The following KRT72 variants were observed in gnomAD, a reference collection of about 807,000 sequenced individuals.
KRT72 encodes the protein keratin 72, also known as keratin, type II cytoskeletal 72.
A neutral mutation model predicts 44.7 loss-of-function variants in KRT72; 44 were observed. The ratio of observed to expected loss-of-function variants is 0.98; its 90% CI spans 0.77 to 1.27. The LOEUF is 1.27. Ranked by LOEUF, KRT72 falls within the 50% of genes most tolerant of loss-of-function variation. The pLI, the probability that KRT72 is intolerant of heterozygous loss-of-function variation, is 0.00. For missense variants in KRT72, 736 were observed against 667.1 expected, an observed-to-expected ratio of 1.10 and a Z score of -1.14; for synonymous variants, 302 against 280.4, an observed-to-expected ratio of 1.08 and a Z score of -0.77.
At chr12:52,591,141 G>A (rs1026453269) in intron 5 of KRT72, among the ~76,000 whole-genome samples, 180 bp from the exon 6 acceptor site, 3 of 152,204 alleles carry the variant, frequency 2.0e-5, no homozygotes, top group Non-Finnish European at 4.4e-5. Flanking sequence ...GAAACATGAA[G>A]ATAAGACAAT....
chr12:52,597,696 A>G (rs1337689091), intron 2 of KRT72, among the ~76,000 whole-genome samples: 3 of 152,234 alleles, frequency 2.0e-5, no homozygotes, highest in Non-Finnish European at 2.9e-5. Context: ...GCCTTCTGAC[A>G]TAGGGAAAAC....
chr12:52,600,643 G>A (rs1017455320), intron 1 of KRT72, among the ~76,000 whole-genome samples: 6 of 151,998 alleles, frequency 3.9e-5, no homozygotes, highest in Non-Finnish European at 5.9e-5. Flanking sequence ...TTCTCTGGCC[G>A]CCGCCATATA....
rs1412692002 is a variant in KRT72, at chr12:52,601,287, G to C, written c.166C>G (p.Arg56Gly). The change falls in exon 1 of 9, where the codon CGA becomes GGA. Residue 56 changes from arginine to glycine, a missense_variant. Transcript: ENST00000293745. Reference sequence around the variant, plus strand: ...GCAGCAGCGCTGAGCGCCAGGCTTCGGCTGCCCCCAAGGCAGGAGAGGCTC... The same window carrying C: ...GCAGCAGCGCTGAGCGCCAGGCTTCCGCTGCCCCCAAGGCAGGAGAGGCTC... ...SKSLSCLGGS[R>G]SLALSAAARR... The C allele has an allele frequency of 2.6e-6, 4 of 1,550,684 alleles. No individual in the cohort carries two copies. In the South Asian group the frequency reaches 3.5e-5, roughly 14 times the overall value.
intron 2 of KRT72, among the ~76,000 whole-genome samples, chr12:52,593,154 C>A (rs372246461): frequency 6.6e-6 from 1 of 152,174 alleles, no homozygotes; most frequent in African/African-American, 2.4e-5. Context: ...TGTGCCTGTG[C>A]ATTCTGTCTT....
chr12:52,590,809 T>C (rs75211079), intron 6 of KRT72, 27 bp downstream of exon 6: 55,415 of 1,557,086 alleles, frequency 0.036, 1,214 homozygotes, highest in Non-Finnish European at 0.043. Flanking sequence ...ATAAATACTG[T>C]TAGTGGATTA....
At position 52,601,263 on chromosome 12, in the gene KRT72, C is replaced by T. The variant is rs1940440963; in HGVS notation, c.190G>A (p.Ala64Thr). The T allele has an allele frequency of 6.4e-7, 1 of 1,560,450 alleles. No homozygotes were observed. The highest frequency in any genetic ancestry group is 8.7e-7 in the Non-Finnish European group (1 of 1,153,066). ...GSRSLALSAAARRGGGRLGGF... is the reference protein window; with the variant it reads ...GSRSLALSAATRRGGGRLGGF... The stretch of plus-strand genomic sequence containing the variant: ...CCCAGGCGGCCGCCGCCCCGCCGTG[C>T]AGCAGCGCTGAGCGCCAGGCTTCGG... The change falls in exon 1 of 9, where the codon GCA becomes ACA. Residue 64 changes from alanine (A) to threonine (T), a missense_variant. By Grantham distance (58) the Ala-to-Thr change is moderately conservative. Coordinates refer to ENST00000293745, the MANE Select transcript of KRT72 (RefSeq NM_080747.3).
chr12:52,600,249 C>T (rs1940374002), intron 1 of KRT72, among the ~76,000 whole-genome samples: 1 of 152,194 alleles, frequency 6.6e-6, no homozygotes, highest in African/African-American at 2.4e-5. Flanking sequence ...TTACCCCACT[C>T]CTCAAGCACC....
intron 4 of KRT72, 76 bp downstream of exon 4, chr12:52,592,320 A>G (rs1396405321): frequency 7.7e-6 from 8 of 1,045,008 alleles, no homozygotes; most frequent in East Asian, 4.8e-5. Flanking sequence ...CTTGGTCCAC[A>G]CCACCTTCCA....
chr12:52,587,568 T>G, intron 7 of KRT72, 63 bp downstream of exon 7: 1 of 1,571,856 alleles, frequency 6.4e-7, no homozygotes, highest in South Asian at 1.1e-5. Flanking sequence ...ACTGTTTGCC[T>G]TGGAGCTTCC....
chr12:52,600,966 G>C, intron 1 of KRT72, 61 bp downstream of exon 1: 1 of 1,561,062 alleles, frequency 6.4e-7, no homozygotes, highest in East Asian at 2.3e-5. Context: ...GCCAGTGGCA[G>C]AGCCAGCACC....
chr12:52,592,832 C>T, intron 3 of KRT72, 60 bp downstream of exon 3: 1 of 1,464,130 alleles, frequency 6.8e-7, no homozygotes, highest in Non-Finnish European at 9.5e-7. Context: ...ACCCTACAAG[C>T]ATCATTGTGC....
chr12:52,586,519 A>G lies in KRT72; in HGVS notation c.1346-347T>C, dbSNP rs374304276. Among the ~76,000 whole-genome samples, 10 of 152,336 alleles carry G rather than the reference A, an allele frequency of 6.6e-5. No homozygotes were observed. The East Asian group carries it at 1.7e-3, about 26-fold the overall frequency. On this transcript the variant is annotated intron_variant, in intron 8 of 8. Coordinates refer to ENST00000293745, the MANE Select transcript of KRT72 (RefSeq NM_080747.3). Reference sequence around the variant, plus strand: ...ACTGAGGGCCCTGTCTCTCAGCACCACAGCATCTCCACACAGGCTCTCCAG... The same window carrying G: ...ACTGAGGGCCCTGTCTCTCAGCACCGCAGCATCTCCACACAGGCTCTCCAG...
intron 2 of KRT72, 104 bp downstream of exon 2, chr12:52,598,794 C>A: frequency 1.1e-6 from 1 of 920,312 alleles, no homozygotes. Context: ...GTTCCTCCCT[C>A]CCCCGGTATC....
At position 52,598,987 on chromosome 12, in the gene KRT72, C is replaced by T. The variant is rs764706041; in HGVS notation, c.552G>A (p.Gln184=). The T allele has an allele frequency of 2.5e-6, 4 of 1,614,118 alleles. No individual in the cohort carries two copies. In the East Asian group the frequency reaches 8.9e-5, roughly 36 times the overall value. Reference sequence around the variant, plus strand: ...CCCCAGACAGCATCTCCAGCTGCTTCTGCAGGTTGCTGATGTAGCCCTCAT... The same window carrying T: ...CCCCAGACAGCATCTCCAGCTGCTTTTGCAGGTTGCTGATGTAGCCCTCAT... The part of the protein sequence containing the change: ...PIYEGYISNL[Q]KQLEMLSGDG... The change falls in exon 2 of 9, where the codon CAG becomes CAA. Residue 184 remains glutamine (Q), a synonymous_variant. Coordinates refer to ENST00000293745, the MANE Select transcript of KRT72 (RefSeq NM_080747.3).
Position 52,591,576 on chromosome 12 carries a change from A to G in KRT72, c.851T>C (p.Met284Thr). 1.2e-6 allele frequency: 2 copies of G among 1,614,010 alleles called. No homozygotes were observed. The highest frequency in any genetic ancestry group is 1.7e-6 in the Non-Finnish European group (2 of 1,179,900). Residue 284 changes from methionine (M) to threonine (T), a missense_variant, in exon 5 of 9, where the codon ATG becomes ACG. By Grantham distance (81) the Met-to-Thr change is moderately conservative (BLOSUM62 -1). Transcript: ENST00000293745. Reference sequence around the variant, plus strand: ...CAGGTCCAGATCCCGGTTGTTGTCCATTGACAGGACGATGGACGTGTCGCT... The same window carrying G: ...CAGGTCCAGATCCCGGTTGTTGTCCGTTGACAGGACGATGGACGTGTCGCT... ...HISDTSIVLS[M>T]DNNRDLDLDS...
intron 2 of KRT72, among the ~76,000 whole-genome samples, chr12:52,595,836 T>C (rs759653313): frequency 1.6e-4 from 25 of 152,236 alleles, no homozygotes; most frequent in Non-Finnish European, 2.8e-4. Context: ...GGTAAAGCCT[T>C]ATTGAAAAAT....
In KRT72 at chr12:52,598,993, G is replaced by C. The variant is rs1456659136; in HGVS notation, c.546C>G (p.Asn182Lys). ...LEPIYEGYIS[N>K]LQKQLEMLSG... ...ACAGCATCTCCAGCTGCTTCTGCAG[G>C]TTGCTGATGTAGCCCTCATAAATGG... Residue 182 changes from asparagine to lysine, a missense_variant, in exon 2 of 9, where the codon AAC (asparagine) becomes AAG (lysine). Physicochemically the swap from Asn to Lys is moderately conservative, Grantham distance 94. Coordinates refer to ENST00000293745, the MANE Select transcript of KRT72 (RefSeq NM_080747.3). 8.7e-6 allele frequency: 14 copies of C among 1,614,034 alleles called. No homozygotes were observed. Among genetic ancestry groups the C allele is most frequent in the Non-Finnish European group, 1.2e-5 (14 of 1,179,922 alleles).
chr12:52,601,324 G>A lies in KRT72; in HGVS notation c.129C>T (p.Ser43=). The A allele has an allele frequency of 2.6e-6, 4 of 1,546,508 alleles. No homozygotes were observed. Among genetic ancestry groups the A allele is most frequent in the Non-Finnish European group, 2.6e-6 (3 of 1,147,032 alleles). Residue 43 remains serine (S), a synonymous_variant, in exon 1 of 9, where the codon TCC becomes TCT. Coordinates refer to ENST00000293745, the MANE Select transcript of KRT72 (RefSeq NM_080747.3). The stretch of plus-strand genomic sequence containing the variant: ...GGCAGGAGAGGCTCTTGCTGCCAAA[G>A]GAGGCCGAGCCCTTGACCCGGGCCC... The part of the protein sequence containing the change: ...SFRARVKGSA[S]FGSKSLSCLG...
chr12:52,599,803 T>C (rs1488472212), intron 1 of KRT72, among the ~76,000 whole-genome samples: 1 of 152,200 alleles, frequency 6.6e-6, no homozygotes, highest in African/African-American at 2.4e-5. Flanking sequence ...TTCCCTAGCA[T>C]AGTGGTGACA....
Sources: gnomAD v4.1 joint callset for allele counts (sites outside exome capture counted in the v4.1 genomes callset) on GRCh38, gnomAD v4.1.1 for gene constraint, MANE v1.5 for transcripts, NCBI Gene and HGNC (gene_info 2026-07-23, HGNC 2026-07-21) for gene names.